The following FBXO11 variants were observed in gnomAD, a reference collection of about 807,000 sequenced individuals.
FBXO11 encodes F-box protein 11.
Under a neutral mutation model 117.0 loss-of-function variants are expected in FBXO11, and 13 were observed. The ratio of observed to expected loss-of-function variants is 0.11; its 90% CI spans 0.07 to 0.18. The LOEUF (loss-of-function observed/expected upper bound fraction) is 0.18, where lower values mean the gene tolerates loss of function less well. FBXO11 is among the 10% of genes least tolerant of loss of function. The pLI, the probability that FBXO11 is intolerant of heterozygous loss-of-function variation, is 1.00. For missense variants in FBXO11, 767 were observed against 1,164.4 expected (o/e 0.66, Z 4.97); for synonymous variants, 490 against 380.5 (o/e 1.29, Z -3.35).
intron 1 of FBXO11, among the ~76,000 whole-genome samples, chr2:47,883,055 C>T (rs1206796460): frequency 6.6e-6 from 1 of 152,134 alleles, no homozygotes; most frequent in East Asian, 1.9e-4. Flanking sequence ...GCTTTGTAAT[C>T]TTCTCTTGTA....
At chr2:47,831,094 C>T (rs115326853) in intron 11 of FBXO11, among the ~76,000 whole-genome samples, 18,095 of 151,366 alleles carry the variant, frequency 0.12, 1,369 homozygotes, top group Middle Eastern at 0.21. Flanking sequence ...CCACTGCACC[C>T]GGCCATGGTC....
intron 13 of FBXO11, among the ~76,000 whole-genome samples, chr2:47,821,261 TG>T (rs1189640115): frequency 6.6e-6 from 1 of 151,886 alleles, no homozygotes; most frequent in Non-Finnish European, 1.5e-5. Flanking sequence ...GCAGCTCACT[TG>T]AGGCCAGGAG....
At chr2:47,818,690 T>C in intron 16 of FBXO11, 89 bp downstream of exon 16, 1 of 772,318 alleles carries the variant, frequency 1.3e-6, no homozygotes, top group Non-Finnish European at 2.1e-6. Flanking sequence ...GGATAAAGAT[T>C]GGGCATTAAA....
intron 11 of FBXO11, among the ~76,000 whole-genome samples, chr2:47,831,427 G>GAAAAAAAAAAAA (rs920107554): frequency 6.1e-5 from 4 of 65,734 alleles, no homozygotes; most frequent in Non-Finnish European, 8.5e-5. Flanking sequence ...GTCTCAAAAA[G>GAAAAAAAAAAAA]AAAAAAAAAA....
intron 1 of FBXO11, among the ~76,000 whole-genome samples, chr2:47,869,828 G>A (rs1675490727): frequency 6.6e-6 from 1 of 152,196 alleles, no homozygotes; most frequent in Non-Finnish European, 1.5e-5. Flanking sequence ...TTAGGTGGAA[G>A]TATGACCTGG....
At chr2:47,887,221 G>T (rs927357870) in intron 1 of FBXO11, among the ~76,000 whole-genome samples, 3 of 150,808 alleles carry the variant, frequency 2.0e-5, no homozygotes, top group African/African-American at 7.3e-5. Context: ...GGAGGTGGAG[G>T]TTGCGGTGAG....
At chr2:47,820,246 G>A in intron 14 of FBXO11, 116 bp downstream of exon 14, 1 of 584,620 alleles carries the variant, frequency 1.7e-6, no homozygotes, top group Non-Finnish European at 2.9e-6. Flanking sequence ...ATTAAAGACA[G>A]TCACAAATTC....
intron 4 of FBXO11, 131 bp downstream of exon 4, chr2:47,838,728 T>C (rs1672782367): frequency 4.1e-6 from 3 of 729,394 alleles, no homozygotes; most frequent in Non-Finnish European, 4.4e-6. Flanking sequence ...TAACTTGGAA[T>C]TGATAAGCAT....
chr2:47,905,547 C>T lies in FBXO11; in HGVS notation c.174G>A (p.Pro58=), dbSNP rs1414701983. The T allele has an allele frequency of 2.4e-6, 3 of 1,241,736 alleles. No individual in the cohort carries two copies. Among genetic ancestry groups the T allele is most frequent in the African/African-American group, 1.6e-5 (1 of 63,442 alleles). 76.9% of individuals were successfully genotyped at this position (1,241,736 alleles called of 1,614,324 possible). The change falls in exon 1 of 23, where the codon CCG becomes CCA. Residue 58 remains proline, a synonymous_variant. Coordinates refer to ENST00000403359, the MANE Select transcript of FBXO11 (RefSeq NM_001190274.2). The part of the protein sequence containing the change: ...PPQQQQQQQP[P]PPPPPPPPLP... Reference sequence around the variant, plus strand: ...GCGGCGGAGGCGGCGGTGGCGGCGGCGGAGGCTGCTGCTGCTGCTGCTGCT... The same window carrying T: ...GCGGCGGAGGCGGCGGTGGCGGCGGTGGAGGCTGCTGCTGCTGCTGCTGCT...
chr2:47,843,805 A>G (rs1170364071), intron 1 of FBXO11, among the ~76,000 whole-genome samples: 1 of 151,984 alleles, frequency 6.6e-6, no homozygotes, highest in Non-Finnish European at 1.5e-5. Context: ...CAATGGCGTG[A>G]TCTCGGCTCA....
rs1671193524 is a variant in FBXO11 at position 47,818,953 on chromosome 2, T to C, written c.1920+3A>G. On this transcript the variant is annotated splice_donor_region_variant and intron_variant, in intron 15 of 22. Transcript: ENST00000403359. ...CCCATCCAAGAGTCCAGGCTAATCC[T>C]ACCTGCTTGCCACTGTGTATCCGGT... The C allele has an allele frequency of 6.2e-7, 1 of 1,613,074 alleles. No homozygotes were observed. The highest frequency in any genetic ancestry group is 8.5e-7 in the Non-Finnish European group (1 of 1,179,766).
chr2:47,813,116 G>A (rs747761835), intron 18 of FBXO11, 118 bp downstream of exon 18: 3 of 1,064,748 alleles, frequency 2.8e-6, no homozygotes, highest in Non-Finnish European at 1.5e-6. Context: ...AACTTGATAA[G>A]GAAAAAGACT....
chr2:47,807,102 C>A lies in FBXO11; in HGVS notation c.*1016G>T. On this transcript the variant is annotated 3_prime_UTR_variant, in exon 23 of 23. Transcript: ENST00000403359. ...CAGGCTGTTTTATACCCACTGTCAC[C>A]AATACACATAAATGGGGGAGGAAAA... 1 of 497,462 alleles carries A rather than the reference C, an allele frequency of 2.0e-6. No homozygotes were observed. The highest frequency in any genetic ancestry group is 3.6e-6 in the Non-Finnish European group (1 of 280,230). 30.8% of individuals were successfully genotyped at this position (497,462 alleles called of 1,614,324 possible).
At chr2:47,848,906 G>C (rs1469854828) in intron 1 of FBXO11, among the ~76,000 whole-genome samples, 1 of 152,114 alleles carries the variant, frequency 6.6e-6, no homozygotes, top group Non-Finnish European at 1.5e-5. Context: ...GGGGTTTAAA[G>C]TCTACACATT....
Position 47,807,978 on chromosome 2 carries a change from C to T in FBXO11, c.*140G>A. The T allele has an allele frequency of 5.3e-6, 4 of 748,368 alleles. No homozygotes were observed. Among genetic ancestry groups the T allele is most frequent in the Non-Finnish European group, 8.7e-6 (4 of 460,668 alleles). 46.4% of individuals were successfully genotyped at this position (748,368 alleles called of 1,614,324 possible). ...ACTTTCTTTTTGGTAGCTTGAGCTT[C>T]ATAGTGTCAACTGACCTTGTGTATC... On this transcript the variant is annotated 3_prime_UTR_variant, in exon 23 of 23. Transcript: ENST00000403359.
intron 1 of FBXO11, among the ~76,000 whole-genome samples, chr2:47,850,837 G>C (rs1485037835): frequency 1.3e-5 from 2 of 152,116 alleles, no homozygotes; most frequent in Admixed American, 6.6e-5. Context: ...TTGGGAAAAG[G>C]AGTGTAAAAT....
chr2:47,843,497 A>G (rs997201872), intron 1 of FBXO11, among the ~76,000 whole-genome samples: 5 of 151,866 alleles, frequency 3.3e-5, no homozygotes, highest in Non-Finnish European at 7.4e-5. Context: ...TTGGACACAC[A>G]GATTCAAGAT....
At chr2:47,895,699 T>C (rs1000860190) in intron 1 of FBXO11, among the ~76,000 whole-genome samples, 9 of 152,210 alleles carry the variant, frequency 5.9e-5, no homozygotes, top group African/African-American at 7.2e-5. Context: ...GTTTATGTTG[T>C]TGTTTTTTTT....
rs551249074 is a variant in FBXO11 at position 47,827,189 on chromosome 2, CAAT to C, written c.1399-3832_1399-3830del. Among the ~76,000 whole-genome samples, 141 of 152,296 alleles carry C rather than the reference CAAT, an allele frequency of 9.3e-4. 1 individual carries two copies. The highest frequency in any genetic ancestry group is 3.4e-3 in the Middle Eastern group (1 of 294). ...ATGAGAAGCCTCTACATTGGCACAACAATGATTTTACTACCTTTAGAAATGACA... is the reference window on the plus strand; with the variant it reads ...ATGAGAAGCCTCTACATTGGCACAACGATTTTACTACCTTTAGAAATGACA... On this transcript the variant is annotated intron_variant, in intron 11 of 22. Transcript: ENST00000403359.
Sources: allele counts gnomAD v4.1 joint callset (sites outside exome capture counted in the v4.1 genomes callset), GRCh38; gene constraint gnomAD v4.1.1; transcripts MANE v1.5; gene names NCBI Gene and HGNC (gene_info 2026-07-23, HGNC 2026-07-21).